Variants in PCNX2 observed in about 807,000 individuals in gnomAD.
PCNX2 encodes the protein pecanex 2, also known as pecanex-like protein 2.
PCNX2 carries 168 observed loss-of-function variants against 223.8 expected under a neutral mutation model. The observed-to-expected ratio is 0.75, with a 90% CI of 0.66 to 0.85. The LOEUF (loss-of-function observed/expected upper bound fraction) is 0.85, where lower values mean the gene tolerates loss of function less well. Among genes scored for constraint, PCNX2 ranks in the 40% least tolerant of loss-of-function variants. The probability of loss-of-function intolerance (pLI) is 0.00; values close to 1 mark genes in which losing one functional copy is unlikely to be tolerated. For synonymous variants in PCNX2, 1,006 were observed against 1,052.6 expected (o/e 0.96, Z 0.86); for missense variants, 2,507 against 2,675.5 (o/e 0.94, Z 1.39).
intron 9 of PCNX2, 144 bp downstream of exon 9, chr1:233,236,701 C>T: frequency 8.4e-7 from 1 of 1,185,598 alleles, no homozygotes; most frequent in Non-Finnish European, 1.2e-6. Context: ...CAGTAGACTG[C>T]CTTGCAGTGA....
chr1:233,264,353 A>T (rs1441264828), intron 1 of PCNX2, among the ~76,000 whole-genome samples: 1 of 152,212 alleles, frequency 6.6e-6, no homozygotes, highest in Non-Finnish European at 1.5e-5. Flanking sequence ...TCAGAAATCC[A>T]GTGATCCGTG....
chr1:233,015,608 G>T (rs1404211336), intron 27 of PCNX2, among the ~76,000 whole-genome samples: 1 of 152,218 alleles, frequency 6.6e-6, no homozygotes, highest in South Asian at 2.1e-4. Context: ...CAGGAGAGTC[G>T]CTGGAACCCG....
chr1:233,151,428 T>G (rs917102395), intron 19 of PCNX2, among the ~76,000 whole-genome samples: 17 of 152,242 alleles, frequency 1.1e-4, no homozygotes, highest in Non-Finnish European at 2.9e-5. Flanking sequence ...CCAAAGCCAC[T>G]GTAGGACCAT....
chr1:233,001,515 A>C lies in PCNX2; in HGVS notation c.5097+22T>G. On this transcript the variant is annotated intron_variant, in intron 29 of 33. Coordinates refer to ENST00000258229, the MANE Select transcript of PCNX2 (RefSeq NM_014801.4). The surrounding 1 kb of genome is among the most constrained non-coding windows in gnomAD (Gnocchi z 4.2). ...AAATAAATAAATAAATAAATAAATA[A>C]ATAAATAAAATAGGTTTTTACCTGG... 1.6e-6 allele frequency: 2 copies of C among 1,250,058 alleles called. No homozygotes were observed. The highest frequency in any genetic ancestry group is 2.0e-6 in the Non-Finnish European group (2 of 981,664). 77.4% of individuals were successfully genotyped at this position (1,250,058 alleles called of 1,614,324 possible).
At chr1:233,134,469 C>T (rs1360647822) in intron 21 of PCNX2, among the ~76,000 whole-genome samples, 2 of 151,974 alleles carry the variant, frequency 1.3e-5, no homozygotes, top group African/African-American at 2.4e-5. Context: ...ACAAACTAAG[C>T]GTATTGGAAA....
intron 30 of PCNX2, 73 bp from the exon 31 acceptor site, chr1:232,999,452 CTTTTTT>C (rs61543110): frequency 3.4e-5 from 40 of 1,170,894 alleles, no homozygotes; most frequent in East Asian, 5.7e-5. Flanking sequence ...TTTTCTTTTT[CTTTTTT>C]TTTTTTTTTT....
Position 233,239,673 on chromosome 1 carries a change from T to C in PCNX2, c.2223-2693A>G, listed in dbSNP as rs563223562. Among the ~76,000 whole-genome samples, 5 of 152,346 alleles carry C rather than the reference T, an allele frequency of 3.3e-5. No homozygotes were observed. The South Asian group carries it at 1.0e-3, about 32-fold the overall frequency. Reference sequence around the variant, plus strand: ...TGAAAACTAAACCAGACTATGTATGTAAAGCAGTGAACACTGCCTTTCATA... The same window carrying C: ...TGAAAACTAAACCAGACTATGTATGCAAAGCAGTGAACACTGCCTTTCATA... On this transcript the variant is annotated intron_variant, in intron 8 of 33. Transcript: ENST00000258229.
At chr1:233,223,159 G>A (rs532872084) in intron 10 of PCNX2, among the ~76,000 whole-genome samples, 66 of 152,284 alleles carry the variant, frequency 4.3e-4, no homozygotes, top group African/African-American at 1.5e-3. Context: ...CCAAGAGAAT[G>A]CTGAGTCCTG....
chr1:233,193,125 T>G (rs1383026675), intron 15 of PCNX2, among the ~76,000 whole-genome samples: 3 of 148,844 alleles, frequency 2.0e-5, no homozygotes, highest in African/African-American at 7.3e-5. Context: ...CTAGTATATA[T>G]ATAAACTAGT....
chr1:233,151,535 T>G (rs1677808624), intron 19 of PCNX2, among the ~76,000 whole-genome samples: 1 of 152,228 alleles, frequency 6.6e-6, no homozygotes. Context: ...TTTAGCTCCA[T>G]ATTGCATTAG....
At chr1:233,017,237 A>C in intron 26 of PCNX2, 83 bp from the exon 27 acceptor site, 1 of 1,037,604 alleles carries the variant, frequency 9.6e-7, no homozygotes, top group Non-Finnish European at 1.4e-6. Flanking sequence ...AGAGGCATGA[A>C]ATCCCTACAT....
chr1:233,165,912 C>T (rs9424523), intron 17 of PCNX2, among the ~76,000 whole-genome samples: 105,474 of 151,930 alleles, frequency 0.69, 37,188 homozygotes, highest in African/African-American at 0.83. Flanking sequence ...ATAGCTAAAA[C>T]GACTTTGAAA....
chr1:233,129,325 G>A (rs1442067002), intron 21 of PCNX2, among the ~76,000 whole-genome samples: 1 of 152,214 alleles, frequency 6.6e-6, no homozygotes, highest in African/African-American at 2.4e-5. Context: ...TTCTCGCCGG[G>A]CCTTAGCTGC....
At chr1:233,028,203 T>C (rs1344659776) in intron 25 of PCNX2, among the ~76,000 whole-genome samples, 2 of 152,208 alleles carry the variant, frequency 1.3e-5, no homozygotes, top group African/African-American at 4.8e-5. Flanking sequence ...AACATCTGTA[T>C]TCTGCTGTTG....
chr1:233,279,389 T>TTGTGTG (rs57288356), intron 1 of PCNX2, among the ~76,000 whole-genome samples: 2,942 of 142,662 alleles, frequency 0.021, 47 homozygotes, highest in Non-Finnish European at 0.023. Context: ...TAATTTGTGT[T>TTGTGTG]TGTGTGTGTG....
intron 1 of PCNX2, among the ~76,000 whole-genome samples, chr1:233,273,631 T>TG (rs35342069): frequency 8.8e-5 from 5 of 56,588 alleles, no homozygotes; most frequent in African/African-American, 4.2e-4. Flanking sequence ...TCTTTTGGCA[T>TG]TTTTTTTTTT....
chr1:233,171,954 G>C (rs1679177052), intron 17 of PCNX2, among the ~76,000 whole-genome samples: 1 of 151,914 alleles, frequency 6.6e-6, no homozygotes, highest in Non-Finnish European at 1.5e-5. Flanking sequence ...TCTCTCTTCA[G>C]AGGCATCTAA....
intron 1 of PCNX2, chr1:233,289,433 G>T: frequency 7.1e-7 from 1 of 1,404,446 alleles, no homozygotes; most frequent in Non-Finnish European, 1.0e-6. Context: ...CGATCTTGGC[G>T]CTCGTACTGA....
chr1:233,111,106 T>C (rs1463554113), intron 21 of PCNX2, among the ~76,000 whole-genome samples: 4 of 152,196 alleles, frequency 2.6e-5, no homozygotes, highest in Admixed American at 2.0e-4. Flanking sequence ...ATTTGGCATA[T>C]CATTTTTTAT....
Sources: gnomAD v4.1 joint callset for allele counts (sites outside exome capture counted in the v4.1 genomes callset) on GRCh38, gnomAD v4.1.1 for gene constraint, Gnocchi (gnomAD v3.1) non-coding constraint, MANE v1.5 for transcripts, NCBI Gene and HGNC (gene_info 2026-07-23, HGNC 2026-07-21) for gene names.